The following BPIFB6 variants were observed in gnomAD, a reference collection of about 807,000 sequenced individuals.
BPIFB6 encodes the protein BPI fold containing family B member 6.
BPIFB6 carries 47 observed loss-of-function variants against 54.7 expected under a neutral mutation model. The ratio of observed to expected loss-of-function variants is 0.86; its 90% CI spans 0.68 to 1.10. The LOEUF (loss-of-function observed/expected upper bound fraction) is 1.10. Ranked by LOEUF, BPIFB6 falls within the 50% of genes least tolerant of loss-of-function variation. The pLI is 0.00. For synonymous variants in BPIFB6, 255 were observed against 225.9 expected (o/e 1.13, Z -1.16); for missense variants, 603 against 564.1 (o/e 1.07, Z -0.70).
intron 8 of BPIFB6, among the ~76,000 whole-genome samples, chr20:33,038,121 C>T (rs1391481140): frequency 1.3e-5 from 2 of 152,174 alleles, no homozygotes; most frequent in Non-Finnish European, 2.9e-5. Flanking sequence ...ATATCATCCA[C>T]ATAACACCTA....
intron 14 of BPIFB6, 54 bp downstream of exon 14, chr20:33,043,421 T>G: frequency 6.6e-7 from 1 of 1,526,402 alleles, no homozygotes; most frequent in Non-Finnish European, 9.1e-7. Context: ...AGCCAGTGAG[T>G]GATGAGCAAG....
Position 33,033,992 on chromosome 20 carries a change from C to A in BPIFB6, c.198-194C>A, listed in dbSNP as rs148177680. On this transcript the variant is annotated intron_variant, in intron 2 of 14. Transcript: ENST00000349552. ...CCACCTCCCATATAATGAGTGCTTT[C>A]TATATACAAATTGATTCATGTCCAG... Among the ~76,000 whole-genome samples, 266 of 152,190 alleles carry A rather than the reference C, an allele frequency of 1.7e-3. 1 individual carries two copies. The highest frequency in any genetic ancestry group is 6.0e-3 in the African/African-American group (248 of 41,462).
In BPIFB6 at chr20:33,037,720, G is replaced by A; in HGVS notation, c.828G>A (p.Val276=). The change falls in exon 8 of 15, where the codon GTG becomes GTA. Residue 276 remains valine, a synonymous_variant. Coordinates refer to ENST00000349552, the MANE Select transcript of BPIFB6 (RefSeq NM_174897.2). The part of the protein sequence containing the change: ...ELALLQKSFH[V]NIQDTMIGEL... Reference sequence around the variant, plus strand: ...CCCTTCTGCAGAAGTCCTTTCATGTGAATATCCAGGATACAATGGTGAGCT... The same window carrying A: ...CCCTTCTGCAGAAGTCCTTTCATGTAAATATCCAGGATACAATGGTGAGCT... The A allele has an allele frequency of 6.2e-7, 1 of 1,614,116 alleles. No homozygotes were observed. The highest frequency in any genetic ancestry group is 8.5e-7 in the Non-Finnish European group (1 of 1,180,016).
intron 2 of BPIFB6, 101 bp from the exon 3 acceptor site, chr20:33,034,085 C>T (rs981295229): frequency 2.7e-5 from 22 of 818,940 alleles, no homozygotes; most frequent in East Asian, 7.3e-5. Flanking sequence ...GATAGGAGGC[C>T]GGGGTTATCG....
intron 1 of BPIFB6, among the ~76,000 whole-genome samples, chr20:33,032,007 T>C (rs1174811545): frequency 3.3e-5 from 5 of 152,120 alleles, no homozygotes; most frequent in Non-Finnish European, 7.4e-5. Flanking sequence ...TTGGCCCTGA[T>C]GGCAGGGGTT....
chr20:33,031,982 C>G (rs1393635177), intron 1 of BPIFB6, among the ~76,000 whole-genome samples: 2 of 152,168 alleles, frequency 1.3e-5, no homozygotes, highest in African/African-American at 4.8e-5. Flanking sequence ...AATCCTGCTC[C>G]TTTGGAGTCT....
intron 5 of BPIFB6, among the ~76,000 whole-genome samples, chr20:33,035,369 C>T (rs542821160): frequency 1.2e-4 from 19 of 152,272 alleles, no homozygotes; most frequent in Non-Finnish European, 1.9e-4. Flanking sequence ...GCTTGCCAAC[C>T]GTGCTTTGAT....
chr20:33,035,630 G>C lies in BPIFB6; in HGVS notation c.535G>C (p.Ala179Pro). 2 of 1,614,218 alleles carry C rather than the reference G, an allele frequency of 1.2e-6. No homozygotes were observed. Among genetic ancestry groups the C allele is most frequent in the East Asian group, 4.5e-5 (2 of 44,892 alleles). The change falls in exon 6 of 15, where the codon GCA becomes CCA. Residue 179 changes from alanine to proline, a missense_variant. Ala to Pro is a conservative substitution (Grantham distance 27). Transcript: ENST00000349552. ...CTTCCAGATGTGTCCCGCCATCGAT[G>C]CAGTCCTGGTGTATGTGAACAGGAA... ...LPGLMCPAID[A>P]VLVYVNRKWT... is the part of the protein sequence containing the mutation.
chr20:33,042,610 T>C (rs1031220781), intron 12 of BPIFB6, among the ~76,000 whole-genome samples: 1 of 152,166 alleles, frequency 6.6e-6, no homozygotes, highest in African/African-American at 2.4e-5. Flanking sequence ...CCACATGTCA[T>C]AGGTACTAAG....
At chr20:33,039,299 C>T in intron 9 of BPIFB6, 48 bp from the exon 10 acceptor site, 2 of 1,532,040 alleles carry the variant, frequency 1.3e-6, no homozygotes, top group Non-Finnish European at 1.8e-6. Context: ...TCAACTGAAG[C>T]CACCAGTCTA....
chr20:33,033,565 T>G (rs1366995603), intron 2 of BPIFB6: 2 of 456,858 alleles, frequency 4.4e-6, no homozygotes, highest in Non-Finnish European at 8.8e-6. Context: ...GAACTAGGAC[T>G]GTGATCAACT....
chr20:33,042,094 G>A, intron 12 of BPIFB6, 79 bp downstream of exon 12: 2 of 1,467,988 alleles, frequency 1.4e-6, no homozygotes, highest in Non-Finnish European at 1.9e-6. Context: ...ACAGGGCCGA[G>A]GCCCTGAAAT....
In BPIFB6 at chr20:33,036,473, C is replaced by T. The variant is rs1043646737; in HGVS notation, c.606C>T (p.Thr202=). The T allele has an allele frequency of 1.2e-5, 19 of 1,613,844 alleles. No individual in the cohort carries two copies. Among genetic ancestry groups the T allele is most frequent in the Admixed American group, 1.7e-5 (1 of 59,986 alleles). The stretch of plus-strand genomic sequence containing the variant: ...CCATGCCTGTGGGCCAGATGGGCAC[C>T]GTCAAATATGTTCTGATGTCCGCAC... ...SDPMPVGQMG[T]VKYVLMSAPA... is the part of the protein sequence containing the mutation. The change falls in exon 7 of 15, where the codon ACC becomes ACT. Residue 202 remains threonine (T), a synonymous_variant. Coordinates refer to ENST00000349552, the MANE Select transcript of BPIFB6 (RefSeq NM_174897.2).
Position 33,034,342 on chromosome 20 carries a change from A to G in BPIFB6, c.302+52A>G, listed in dbSNP as rs374132096. On this transcript the variant is annotated intron_variant, in intron 3 of 14. Transcript: ENST00000349552. ...GGGAGGAGAACGGCCTTCCTGTCTC[A>G]TCCTTACATGCACATATATTGAGTG... 2.5e-3 allele frequency: 3,014 copies of G among 1,219,080 alleles called. 5 individuals are homozygous for G. Among genetic ancestry groups the G allele is most frequent in the Non-Finnish European group, 3.2e-3 (2,635 of 821,174 alleles). 75.5% of individuals were successfully genotyped at this position (1,219,080 alleles called of 1,614,324 possible). A position where few individuals can be genotyped will look rare whatever the true frequency, so the allele number is the denominator to read the frequency against.
At position 33,039,428 on chromosome 20, in the gene BPIFB6, G is replaced by A. The variant is rs1432460073; in HGVS notation, c.982G>A (p.Gly328Ser). Residue 328 changes from glycine to serine, a missense_variant, in exon 10 of 15, where the codon GGC (glycine) becomes AGC (serine). Physicochemically the swap from Gly to Ser is moderately conservative, Grantham distance 56. Transcript: ENST00000349552. ...KKPPKVTMKT[G>S]KSLLHLHSTL... ...GCCTCCCAAGGTCACTATGAAGACAGGCAAGAGCCTGCTGCACCTCCACAG... is the reference window on the plus strand; with the variant it reads ...GCCTCCCAAGGTCACTATGAAGACAAGCAAGAGCCTGCTGCACCTCCACAG... 1 of 1,614,228 alleles carries A rather than the reference G, an allele frequency of 6.2e-7. No individual in the cohort carries two copies. Among genetic ancestry groups the A allele is most frequent in the East Asian group, 2.2e-5 (1 of 44,876 alleles).
chr20:33,034,170 G>C lies in BPIFB6; in HGVS notation c.198-16G>C, dbSNP rs374292021. 6.3e-7 allele frequency: 1 copy of C among 1,595,458 alleles called. No homozygotes were observed. Among genetic ancestry groups the C allele is most frequent in the African/African-American group, 1.3e-5 (1 of 74,520 alleles). ...CTGCTCAGATCTTATTGGTGTGGCTGCCTGTCCCTTCCCAGTTTGAAGGTG... is the reference window on the plus strand; with the variant it reads ...CTGCTCAGATCTTATTGGTGTGGCTCCCTGTCCCTTCCCAGTTTGAAGGTG... On this transcript the variant is annotated splice_polypyrimidine_tract_variant and intron_variant, in intron 2 of 14. Transcript: ENST00000349552.
chr20:33,035,454 G>A (rs905885652), intron 5 of BPIFB6, among the ~76,000 whole-genome samples, 158 bp from the exon 6 acceptor site: 5 of 152,184 alleles, frequency 3.3e-5, no homozygotes, highest in African/African-American at 9.7e-5. Context: ...ACTCTAGTCC[G>A]AGCTCTGCCA....
In BPIFB6 at chr20:33,038,926, A is replaced by G. The variant is rs1979458879; in HGVS notation, c.864A>G (p.Pro288=). The part of the protein sequence containing the change: ...IQDTMIGELP[P]QTTKTLARFI... ...TTCTGTAGATTGGTGAGCTGCCCCC[A>G]CAAACCACCAAGACCCTGGCTCGCT... Residue 288 remains proline, a synonymous_variant, in exon 9 of 15, where the codon CCA becomes CCG. Coordinates refer to ENST00000349552, the MANE Select transcript of BPIFB6 (RefSeq NM_174897.2). 6.2e-7 allele frequency: 1 copy of G among 1,613,964 alleles called. No homozygotes were observed. The highest frequency in any genetic ancestry group is 8.5e-7 in the Non-Finnish European group (1 of 1,179,972).
At position 33,034,745 on chromosome 20, in the gene BPIFB6, T is replaced by C. The variant is rs774252996; in HGVS notation, c.303-18T>C. On this transcript the variant is annotated intron_variant, in intron 3 of 14. Transcript: ENST00000349552. The stretch of plus-strand genomic sequence containing the variant: ...CATGGCAGAGATGCCCATGGTGCCC[T>C]CCTGCTCTGTCCTCCAGCTTCATGG... 6.3e-7 allele frequency: 1 copy of C among 1,595,684 alleles called. No individual in the cohort carries two copies. The highest frequency in any genetic ancestry group is 8.6e-7 in the Non-Finnish European group (1 of 1,167,534).
Sources: allele counts gnomAD v4.1 joint callset (sites outside exome capture counted in the v4.1 genomes callset), GRCh38; gene constraint gnomAD v4.1.1; transcripts MANE v1.5; gene names NCBI Gene and HGNC (gene_info 2026-07-23, HGNC 2026-07-21).